SAP18: variants seen among roughly 807,000 people sequenced by gnomAD.
SAP18 encodes Sin3A associated protein 18, also known as histone deacetylase complex subunit SAP18.
A neutral mutation model predicts 18.6 loss-of-function variants in SAP18; 4 were observed. The observed-to-expected ratio is 0.21, with a 90% CI of 0.11 to 0.49. SAP18 has a LOEUF of 0.49. Among genes scored for constraint, SAP18 ranks in the 20% least tolerant of loss-of-function variants. The pLI, the probability that SAP18 is intolerant of heterozygous loss-of-function variation, is 0.98. For synonymous variants in SAP18, 112 were observed against 82.8 expected (o/e 1.35, Z -1.92); for missense variants, 170 against 226.4 (o/e 0.75, Z 1.60).
exon 1 of SAP18, chr13:21,140,567 G>A (rs370333573): frequency 1.3e-6 from 2 of 1,599,856 alleles, no homozygotes; most frequent in African/African-American, 1.3e-5. Context: ...TCGCTGCAGG[G>A]GTCGGAGGTC....
intron 2 of SAP18, chr13:21,141,265 T>G (rs1246112953): frequency 5.9e-6 from 3 of 506,294 alleles, no homozygotes; most frequent in Non-Finnish European, 1.1e-5. Flanking sequence ...GGCTGCTAGG[T>G]ACAAAAGTGA....
chr13:21,140,681 G>A (rs1565985415), exon 1 of SAP18: 1 of 1,611,472 alleles, frequency 6.2e-7, no homozygotes, highest in Non-Finnish European at 8.5e-7. Context: ...ACCGCGAGAA[G>A]GTGAAGGCCC....
chr13:21,147,266 TAGG>T (rs1869681478), exon 4 of SAP18: 1 of 1,614,056 alleles, frequency 6.2e-7, no homozygotes, highest in African/African-American at 1.3e-5. Context: ...AAGTTCCAGA[TAGG>T]AGATTACTTG....
rs573783022 is a variant in SAP18, at chr13:21,143,477, G to C, written c.239+2482G>C. 4.6e-5 allele frequency among the ~76,000 whole-genome samples: 7 copies of C among 152,296 alleles called. No homozygotes were observed. In the South Asian group the frequency reaches 8.3e-4, roughly 18 times the overall value. ...GCATCACTCAAGGGTAAGTGTTCTA[G>C]GAAGGTTGATTTAGCTTATATGGAA... On this transcript the variant is annotated intron_variant, in intron 2 of 3. Transcript: ENST00000621421.
Position 21,140,881 on chromosome 13 carries a change from C to G in SAP18, c.130-5C>G, listed in dbSNP as rs1015648061. ...TTCTGCCCTTCCGTTTTCTCTCTCC[C>G]TCAGACATGCCCACTGTTGCTACGG... is the stretch of plus-strand genomic sequence containing the variant. On this transcript the variant is annotated splice_region_variant and splice_polypyrimidine_tract_variant and intron_variant, in intron 1 of 3. Coordinates refer to ENST00000621421, the Ensembl canonical transcript of SAP18. 6.2e-7 allele frequency: 1 copy of G among 1,611,130 alleles called. No individual in the cohort carries two copies. The highest frequency in any genetic ancestry group is 8.5e-7 in the Non-Finnish European group (1 of 1,177,338).
exon 4 of SAP18, chr13:21,147,560 C>T: frequency 1.9e-6 from 1 of 528,960 alleles, no homozygotes; most frequent in Non-Finnish European, 3.4e-6. Context: ...GTGCTCTTAG[C>T]ATTCTGTGTA....
Position 21,140,912 on chromosome 13 carries a change from C to T in SAP18, c.156C>T (p.Phe52=), listed in dbSNP as rs1565985552. ...CATGCCCACTGTTGCTACGGGTCTT[C>T]ACCACCAATAACGGCCGCCACCACC... Residue 52 remains phenylalanine, a synonymous_variant, in exon 2 of 4, where the codon TTC becomes TTT. Transcript: ENST00000621421. The T allele has an allele frequency of 1.9e-6, 3 of 1,613,834 alleles. No homozygotes were observed. The African/African-American group carries it at 4.0e-5, about 22-fold the overall frequency.
chr13:21,140,783 C>T (rs1446550184), intron 1 of SAP18, 102 bp downstream of exon 1: 8 of 1,582,338 alleles, frequency 5.1e-6, no homozygotes, highest in Middle Eastern at 1.7e-4. Flanking sequence ...TGTTTTTGGT[C>T]TCGGGGAGGC....
chr13:21,142,667 C>T (rs747466347), intron 2 of SAP18, among the ~76,000 whole-genome samples: 19 of 152,122 alleles, frequency 1.2e-4, no homozygotes, highest in Non-Finnish European at 2.5e-4. Flanking sequence ...GCATTAATAG[C>T]ATTCAAATTG....
At chr13:21,144,405 CAAAAAAAAAA>C (rs36115551) in intron 2 of SAP18, among the ~76,000 whole-genome samples, 4 of 64,638 alleles carry the variant, frequency 6.2e-5, no homozygotes, top group East Asian at 5.0e-4. Context: ...GACTCCATCT[CAAAAAAAAAA>C]AAAAAAAAAA....
chr13:21,147,459 A>G, exon 4 of SAP18: 1 of 899,020 alleles, frequency 1.1e-6, no homozygotes, highest in South Asian at 1.7e-5. Context: ...ATTATAATGC[A>G]TCATCTATTT....
intron 2 of SAP18, among the ~76,000 whole-genome samples, chr13:21,142,593 G>A (rs1204982834): frequency 1.3e-5 from 2 of 151,848 alleles, no homozygotes; most frequent in African/African-American, 4.8e-5. Flanking sequence ...TCCCAAAGTG[G>A]TAGGTTTACA....
intron 2 of SAP18, among the ~76,000 whole-genome samples, chr13:21,141,953 A>G (rs1869483231): frequency 6.6e-6 from 1 of 150,996 alleles, no homozygotes; most frequent in Non-Finnish European, 1.5e-5. Flanking sequence ...GGTGTGAGCT[A>G]CTGCGCCCAG....
At chr13:21,142,115 T>A (rs1869490287) in intron 2 of SAP18, among the ~76,000 whole-genome samples, 1 of 149,498 alleles carries the variant, frequency 6.7e-6, no homozygotes, top group African/African-American at 2.4e-5. Flanking sequence ...GATGAAACCC[T>A]GTCTCTACTA....
chr13:21,143,072 T>C (rs1383688424), intron 2 of SAP18, among the ~76,000 whole-genome samples: 2 of 152,254 alleles, frequency 1.3e-5, no homozygotes, highest in African/African-American at 4.8e-5. Flanking sequence ...TTGTCAAGGC[T>C]GAATCATATT....
exon 1 of SAP18, chr13:21,140,654 G>A (rs1003849675): frequency 1.4e-5 from 23 of 1,612,758 alleles, no homozygotes; most frequent in South Asian, 2.2e-5. Flanking sequence ...TTAAGAAGGA[G>A]CCAGAGAAAC....
At chr13:21,148,998 CTGGCTTTGGTAAGTG>C (rs1869753490) in exon 4 of SAP18, 1 of 152,170 alleles carries the variant, frequency 6.6e-6, no homozygotes, top group Non-Finnish European at 1.5e-5. Context: ...TAGTTTACCT[CTGGCTTTGGTAAGTG>C]TGGCTTTGAG....
exon 4 of SAP18, chr13:21,148,304 A>G (rs1354522978): frequency 6.6e-6 from 1 of 152,230 alleles, no homozygotes; most frequent in African/African-American, 2.4e-5. Context: ...AAAAGAGCTT[A>G]GAATGGTGCC....
At chr13:21,147,389 A>G (rs1869686526) in exon 4 of SAP18, 1 of 1,515,836 alleles carries the variant, frequency 6.6e-7, no homozygotes, top group East Asian at 2.3e-5. Flanking sequence ...AGTTATGTAA[A>G]ATAAACATAC....
Sources: gnomAD v4.1 joint callset for allele counts (sites outside exome capture counted in the v4.1 genomes callset) on GRCh38, gnomAD v4.1.1 for gene constraint, MANE v1.5 for transcripts, NCBI Gene and HGNC (gene_info 2026-07-23, HGNC 2026-07-21) for gene names.